The following CMKLR2 variants were observed in gnomAD, a reference collection of about 807,000 sequenced individuals.
The protein encoded by CMKLR2 is chemerin-like receptor 2.
In CMKLR2, 18 loss-of-function variants were observed where a neutral mutation model predicts 23.0. The ratio of observed to expected loss-of-function variants is 0.78; its 90% confidence interval spans 0.54 to 1.16. The LOEUF (loss-of-function observed/expected upper bound fraction) is 1.16. Ranked by LOEUF, CMKLR2 falls within the 50% of genes most tolerant of loss-of-function variation. The pLI, the probability that CMKLR2 is intolerant of heterozygous loss-of-function variation, is 0.00. For synonymous variants in CMKLR2, 158 were observed against 158.9 expected (o/e 0.99, Z 0.05); for missense variants, 401 against 412.7 (o/e 0.97, Z 0.25).
chr2:206,211,404 A>G (rs1559101164), intron 1 of CMKLR2, among the ~76,000 whole-genome samples: 2 of 151,924 alleles, frequency 1.3e-5, no homozygotes, highest in Non-Finnish European at 2.9e-5. Flanking sequence ...AGCTCACCGC[A>G]GCCTCCGCCT....
chr2:206,211,558 A>G (rs928514227), intron 1 of CMKLR2, among the ~76,000 whole-genome samples: 2 of 151,926 alleles, frequency 1.3e-5, no homozygotes, highest in African/African-American at 2.4e-5. Flanking sequence ...GCCATATCTT[A>G]TCACCAGAGA....
In CMKLR2 at chr2:206,176,763, C is replaced by A; in HGVS notation, c.485G>T (p.Trp162Leu). ...ACCGCCAATTAGAGAAGCCAAAAGC[C>A]AGATGAATATAATGACAATCAGAGA... ...KNSLIVIIFIWLLASLIGGPA... is the reference protein window; with the variant it reads ...KNSLIVIIFILLLASLIGGPA... Residue 162 changes from tryptophan (W) to leucine (L), a missense_variant, in exon 2 of 2, where the codon TGG becomes TTG. Trp to Leu is a moderately conservative substitution (Grantham distance 61, BLOSUM62 -2). Transcript: ENST00000621141. The A allele has an allele frequency of 6.2e-7, 1 of 1,614,106 alleles. No individual in the cohort carries two copies. The highest frequency in any genetic ancestry group is 1.1e-5 in the South Asian group (1 of 91,088).
At chr2:206,214,862 T>A (rs1043527423), upstream of CMKLR2, among the ~76,000 whole-genome samples, 1 of 152,022 alleles carries the variant, frequency 6.6e-6, no homozygotes, top group Non-Finnish European at 1.5e-5. Context: ...CCTGACCTCG[T>A]GATCCGCCCG....
rs752897727 is a variant in CMKLR2, at chr2:206,176,386, G to A, written c.862C>T (p.Leu288Phe). 5 of 1,614,024 alleles carry A rather than the reference G, an allele frequency of 3.1e-6. No individual in the cohort carries two copies. The highest frequency in any genetic ancestry group is 1.7e-6 in the Non-Finnish European group (2 of 1,180,032). ...TTGAGGAATGCCAAACCAGTGGAGAGGGGGATTCCAGCCTGCATCACATGG... is the reference window on the plus strand; with the variant it reads ...TTGAGGAATGCCAAACCAGTGGAGAAGGGGATTCCAGCCTGCATCACATGG... ...SHHVMQAGIP[L>F]STGLAFLNSC... The change falls in exon 2 of 2, where the codon CTC (leucine) becomes TTC (phenylalanine). Residue 288 changes from leucine (L) to phenylalanine (F), a missense_variant. Leu to Phe is a conservative substitution (Grantham distance 22, BLOSUM62 0). Transcript: ENST00000621141.
In CMKLR2 at chr2:206,176,396, AG is replaced by A; in HGVS notation, c.851del (p.Ala284ValfsTer16). On this transcript the variant is annotated frameshift_variant, in exon 2 of 2. Transcript: ENST00000621141. LOFTEE classifies it high-confidence loss of function. ...CCAAACCAGTGGAGAGGGGGATTCC[AG>A]CCTGCATCACATGGTGGGAATAGCT... ...HNSYSHHVMQAGIPLSTGLAF... is the reference protein window; with the variant it reads ...HNSYSHHVMQXGIPLSTGLAF... 6.2e-7 allele frequency: 1 copy of A among 1,614,200 alleles called. No homozygotes were observed. Among genetic ancestry groups the A allele is most frequent in the South Asian group, 1.1e-5 (1 of 91,084 alleles).
chr2:206,202,155 T>C (rs1320737915), intron 1 of CMKLR2, among the ~76,000 whole-genome samples: 1 of 152,178 alleles, frequency 6.6e-6, no homozygotes, highest in East Asian at 1.9e-4. Context: ...TAAAGCTATG[T>C]CAGAGGGTGG....
At chr2:206,208,643 C>CT (rs111399492) in intron 1 of CMKLR2, among the ~76,000 whole-genome samples, 133 of 145,602 alleles carry the variant, frequency 9.1e-4, no homozygotes, top group Non-Finnish European at 1.1e-3. Flanking sequence ...ATATATGTAA[C>CT]TTTTTTTTTT....
At chr2:206,207,991 C>T (rs6708714) in intron 1 of CMKLR2, among the ~76,000 whole-genome samples, 118,782 of 151,662 alleles carry the variant, frequency 0.78, 46,668 homozygotes, top group Non-Finnish European at 0.82. Flanking sequence ...CTACTCACTT[C>T]GGCCCCTCAA....
upstream of CMKLR2, among the ~76,000 whole-genome samples, chr2:206,216,084 C>G (rs1408926740): frequency 6.6e-6 from 1 of 152,166 alleles, no homozygotes; most frequent in Admixed American, 6.6e-5. Flanking sequence ...TTCTAAAAAA[C>G]CATTTGCAAA....
intron 1 of CMKLR2, among the ~76,000 whole-genome samples, chr2:206,197,269 T>C (rs1688953561): frequency 6.6e-6 from 1 of 152,196 alleles, no homozygotes; most frequent in African/African-American, 2.4e-5. Context: ...TCAGTCTCTC[T>C]TGGTGACCTA....
At chr2:206,203,161 C>T (rs1436668996) in intron 1 of CMKLR2, among the ~76,000 whole-genome samples, 1 of 119,026 alleles carries the variant, frequency 8.4e-6, no homozygotes, top group African/African-American at 3.2e-5. Context: ...TCTAAAACTA[C>T]AAAAAAAAAA....
intron 1 of CMKLR2, among the ~76,000 whole-genome samples, chr2:206,190,394 A>C (rs1202749474): frequency 6.6e-6 from 1 of 152,220 alleles, no homozygotes; most frequent in East Asian, 1.9e-4. Flanking sequence ...GTTTTTGTAA[A>C]GATCATCTGG....
chr2:206,210,037 C>A (rs373431440), intron 1 of CMKLR2, among the ~76,000 whole-genome samples: 12 of 151,112 alleles, frequency 7.9e-5, no homozygotes, highest in Non-Finnish European at 1.5e-5. Flanking sequence ...AATCTCGGCT[C>A]ACTGCAACCT....
At chr2:206,185,652 T>C (rs1424441002) in intron 1 of CMKLR2, among the ~76,000 whole-genome samples, 1 of 152,172 alleles carries the variant, frequency 6.6e-6, no homozygotes, top group Admixed American at 6.5e-5. Context: ...TTAGGTATAA[T>C]GGTGGGGCAA....
At position 206,208,235 on chromosome 2, in the gene CMKLR2, A is replaced by G. The variant is rs1219631223; in HGVS notation, c.-29+5072T>C. Among the ~76,000 whole-genome samples, 6 of 152,184 alleles carry G rather than the reference A, an allele frequency of 3.9e-5. No homozygotes were observed. The South Asian group carries it at 8.3e-4, about 21-fold the overall frequency. The stretch of plus-strand genomic sequence containing the variant: ...GAAAGAAGAAGGAAGTGCTTCCTCA[A>G]TCAACAAAACTATGTTATGTTTAGG... On this transcript the variant is annotated intron_variant, in intron 1 of 1. Coordinates refer to ENST00000621141, the MANE Select transcript of CMKLR2 (RefSeq NM_001389445.1).
upstream of CMKLR2, among the ~76,000 whole-genome samples, chr2:206,214,825 C>A (rs1045834357): frequency 4.0e-5 from 6 of 151,784 alleles, no homozygotes; most frequent in Admixed American, 6.6e-5. Context: ...CGGGGTTTCA[C>A]CATGTTAGCC....
intron 1 of CMKLR2, among the ~76,000 whole-genome samples, chr2:206,192,489 G>A (rs1688786375): frequency 6.6e-6 from 1 of 151,520 alleles, no homozygotes; most frequent in African/African-American, 2.4e-5. Context: ...GATTGCTTGA[G>A]GTCAGGGCTT....
intron 1 of CMKLR2, among the ~76,000 whole-genome samples, chr2:206,195,997 C>T (rs1472770972): frequency 1.6e-4 from 25 of 152,088 alleles, no homozygotes; most frequent in Admixed American, 1.5e-3. Flanking sequence ...TATTCAGTGG[C>T]ATGATTAGCA....
In CMKLR2 at chr2:206,178,263, T is replaced by C. The variant is rs150805987; in HGVS notation, c.-28-988A>G. Among the ~76,000 whole-genome samples the C allele has an allele frequency of 7.8e-4, 119 of 152,182 alleles. 1 individual carries two copies. Among genetic ancestry groups the C allele is most frequent in the East Asian group, 2.9e-3 (15 of 5,170 alleles). On this transcript the variant is annotated intron_variant, in intron 1 of 1. Transcript: ENST00000621141. ...CTGGGCAACAGAGCAGGACCCCACCTCAAAACAAATTTTTTCCTGAAAAAT... is the reference window on the plus strand; with the variant it reads ...CTGGGCAACAGAGCAGGACCCCACCCCAAAACAAATTTTTTCCTGAAAAAT...
Sources: allele counts gnomAD v4.1 joint callset (sites outside exome capture counted in the v4.1 genomes callset), GRCh38; gene constraint gnomAD v4.1.1; transcripts MANE v1.5; gene names NCBI Gene and HGNC (gene_info 2026-07-23, HGNC 2026-07-21).